Variants in RFX1 observed in about 807,000 individuals in gnomAD.
RFX1 encodes MHC class II regulatory factor RFX1.
RFX1 carries 42 observed loss-of-function variants against 119.6 expected under a neutral mutation model. The observed-to-expected ratio is 0.35, with a 90% confidence interval of 0.27 to 0.45. The LOEUF (loss-of-function observed/expected upper bound fraction) is 0.45, where lower values mean the gene tolerates loss of function less well. RFX1 is among the 20% of genes least tolerant of loss of function. The pLI, the probability that RFX1 is intolerant of heterozygous loss-of-function variation, is 1.00. For synonymous variants in RFX1, 628 were observed against 618.5 expected (o/e 1.02, Z -0.23); for missense variants, 1,118 against 1,368.1 (o/e 0.82, Z 2.88).
chr19:13,978,561 C>A lies in RFX1; in HGVS notation c.835-475G>T, dbSNP rs181889493. On this transcript the variant is annotated intron_variant, in intron 7 of 20. Transcript: ENST00000254325. ...GCCTGAGTCCCCCACCTCCATCCCC[C>A]ACCCTTGTCTGCAGGGGCGGAGCTG... Among the ~76,000 whole-genome samples, 47 of 152,240 alleles carry A rather than the reference C, an allele frequency of 3.1e-4. 1 individual carries two copies. The East Asian group carries it at 8.9e-3, about 29-fold the overall frequency.
chr19:13,980,731 T>TGCATCATCTCTGGGGTGGGCTC lies in RFX1; in HGVS notation c.622-43_622-42insGAGCCCACCCCAGAGATGATGC. ...CACAGGAGTGCCGCTGGGGTGGGCT[T>TGCATCATCTCTGGGGTGGGCTC]GCATCCTCTCTGAGGTGGGCTCACA... is the stretch of plus-strand genomic sequence containing the variant. On this transcript the variant is annotated intron_variant, in intron 5 of 20. Coordinates refer to ENST00000254325, the MANE Select transcript of RFX1 (RefSeq NM_002918.5). The surrounding 1 kb of genome is among the most constrained non-coding windows in gnomAD (Gnocchi z 5.1). 8.3e-7 allele frequency: 1 copy of TGCATCATCTCTGGGGTGGGCTC among 1,201,556 alleles called. No individual in the cohort carries two copies. Among genetic ancestry groups the TGCATCATCTCTGGGGTGGGCTC allele is most frequent in the Non-Finnish European group, 1.2e-6 (1 of 842,378 alleles). 74.4% of individuals were successfully genotyped at this position (1,201,556 alleles called of 1,614,324 possible).
intron 19 of RFX1, 40 bp from the exon 20 acceptor site, chr19:13,963,079 G>T (rs371009810): frequency 6.2e-7 from 1 of 1,603,122 alleles, no homozygotes; most frequent in African/African-American, 1.3e-5. Context: ...GGGTCCCGCC[G>T]CCTGGCGCCC....
Position 13,962,257 on chromosome 19 carries a change from A to C in RFX1, c.*438T>G, listed in dbSNP as rs1973706553. ...AGTGGGGAGTCCCCAGGTGACGCCC[A>C]CCTGCGCCGGCCCGGGGCTCAGGGC... On this transcript the variant is annotated 3_prime_UTR_variant, in exon 21 of 21. Coordinates refer to ENST00000254325, the MANE Select transcript of RFX1 (RefSeq NM_002918.5). The C allele has an allele frequency of 5.8e-6, 1 of 171,352 alleles. No homozygotes were observed. Among genetic ancestry groups the C allele is most frequent in the Admixed American group, 6.1e-5 (1 of 16,390 alleles). The allele number at this position is 171,352 out of a possible 1,614,324, so 10.6% of individuals were successfully genotyped here.
intron 7 of RFX1, among the ~76,000 whole-genome samples, chr19:13,978,952 G>A (rs910487627): frequency 6.6e-6 from 1 of 151,706 alleles, no homozygotes; most frequent in African/African-American, 2.4e-5. Flanking sequence ...GGGCGGCGGC[G>A]GCTCGGGGCT....
chr19:13,970,078 T>C lies in RFX1; in HGVS notation c.1412A>G (p.Lys471Arg). 6.2e-7 allele frequency: 1 copy of C among 1,614,128 alleles called. No individual in the cohort carries two copies. Among genetic ancestry groups the C allele is most frequent in the Non-Finnish European group, 8.5e-7 (1 of 1,180,008 alleles). ...GGAGGCGGCGTTGACGGGCTCCAGC[T>C]TCTGCTCCTGGCAGTGCAGTAAGTA... The part of the protein sequence containing the change: ...CHYLLHCQEQ[K>R]LEPVNAASFG... Residue 471 changes from lysine (K) to arginine (R), a missense_variant, in exon 10 of 21, where the codon AAG (lysine) becomes AGG (arginine). Coordinates refer to ENST00000254325, the MANE Select transcript of RFX1 (RefSeq NM_002918.5).
chr19:14,006,550 A>G (rs888376078), upstream of RFX1: 2 of 152,354 alleles, frequency 1.3e-5, no homozygotes, highest in African/African-American at 2.4e-5. Context: ...GCAGGGAAGC[A>G]GCTGGTTAAG....
In RFX1 at chr19:13,983,582, C is replaced by A; in HGVS notation, c.333G>T (p.Arg111=). The A allele has an allele frequency of 6.2e-7, 1 of 1,604,058 alleles. No homozygotes were observed. The highest frequency in any genetic ancestry group is 2.2e-5 in the East Asian group (1 of 44,610). ...IVVTVSEGAM[R]ASETVSEASP... ...TGGCCTCCGACACTGTCTCGCTGGC[C>A]CGCATGGCACCTTCTGTGGGGAGGG... is the stretch of plus-strand genomic sequence containing the variant. Residue 111 remains arginine, a synonymous_variant, in exon 3 of 21, where the codon CGG becomes CGT. Transcript: ENST00000254325.
At chr19:13,994,451 C>T (rs375851277) in intron 1 of RFX1, among the ~76,000 whole-genome samples, 98 of 152,254 alleles carry the variant, frequency 6.4e-4, no homozygotes, top group African/African-American at 2.3e-3. Flanking sequence ...CACAGTGGCT[C>T]ATGCCTGCAA....
Position 13,968,374 on chromosome 19 carries a change from A to G in RFX1, c.1732+191T>C, listed in dbSNP as rs1305631261. On this transcript the variant is annotated intron_variant, in intron 12 of 20. Transcript: ENST00000254325. This position sits in a 1 kb window ranked among gnomAD's most constrained non-coding sequence, Gnocchi z 5.5. ...AAAGAAATGAGAATCTACCTTGAAGAAGGATTCTAGGGACAGAACTGTCAC... is the reference window on the plus strand; with the variant it reads ...AAAGAAATGAGAATCTACCTTGAAGGAGGATTCTAGGGACAGAACTGTCAC... 6.6e-6 allele frequency among the ~76,000 whole-genome samples: 1 copy of G among 152,032 alleles called. No individual in the cohort carries two copies. The highest frequency in any genetic ancestry group is 1.5e-5 in the Non-Finnish European group (1 of 67,998).
chr19:14,004,070 G>A (rs1027639415), intron 1 of RFX1, among the ~76,000 whole-genome samples: 2 of 152,094 alleles, frequency 1.3e-5, no homozygotes, highest in Non-Finnish European at 2.9e-5. Context: ...CACCACGCCT[G>A]GCTAATTTTT....
intron 16 of RFX1, among the ~76,000 whole-genome samples, chr19:13,964,572 C>G (rs778230313): frequency 6.6e-6 from 1 of 152,108 alleles, no homozygotes; most frequent in East Asian, 1.9e-4. Flanking sequence ...TCCTCCGCCT[C>G]GTGGGTTCAA....
intron 9 of RFX1, among the ~76,000 whole-genome samples, chr19:13,970,813 G>A (rs920977578): frequency 7.3e-5 from 11 of 151,096 alleles, no homozygotes; most frequent in Admixed American, 5.3e-4. Flanking sequence ...GTGAAACCCC[G>A]TCTCTACTAA....
chr19:13,963,049 G>T lies in RFX1; in HGVS notation c.2725-10C>A, dbSNP rs1445690913. 1 of 1,575,128 alleles carries T rather than the reference G, an allele frequency of 6.3e-7. No homozygotes were observed. Among genetic ancestry groups the T allele is most frequent in the African/African-American group, 1.3e-5 (1 of 74,116 alleles). Reference sequence around the variant, plus strand: ...TGGCCAGATTGGCGAACTGGAGGAAGAAGAGAAGAAAATGGGTGAGGGTCC... The same window carrying T: ...TGGCCAGATTGGCGAACTGGAGGAATAAGAGAAGAAAATGGGTGAGGGTCC... On this transcript the variant is annotated splice_polypyrimidine_tract_variant and intron_variant, in intron 19 of 20. Coordinates refer to ENST00000254325, the MANE Select transcript of RFX1 (RefSeq NM_002918.5).
At position 13,993,760 on chromosome 19, in the gene RFX1, C is replaced by A; in HGVS notation, c.84G>T (p.Gln28His). 6.3e-7 allele frequency: 1 copy of A among 1,590,834 alleles called. No homozygotes were observed. Among genetic ancestry groups the A allele is most frequent in the Non-Finnish European group, 8.5e-7 (1 of 1,170,820 alleles). Residue 28 changes from glutamine (Q) to histidine (H), a missense_variant, in exon 2 of 21, where the codon CAG becomes CAT. By Grantham distance (24) the Gln-to-His change is conservative (BLOSUM62 0). Transcript: ENST00000254325. ...PPQAPPQAQP[Q>H]PPPPPPPAAP... ...CCGCTGGGGGTGGTGGCGGTGGCGGCTGGGGCTGGGCTTGTGGCGGGGCCT... is the reference window on the plus strand; with the variant it reads ...CCGCTGGGGGTGGTGGCGGTGGCGGATGGGGCTGGGCTTGTGGCGGGGCCT...
intron 1 of RFX1, among the ~76,000 whole-genome samples, chr19:14,003,497 G>A (rs1975282436): frequency 6.6e-6 from 1 of 150,480 alleles, no homozygotes; most frequent in South Asian, 2.1e-4. Flanking sequence ...AAAAATAAAA[G>A]CCAACGGTGT....
chr19:13,994,142 A>C (rs1974907285), intron 1 of RFX1, among the ~76,000 whole-genome samples: 1 of 152,048 alleles, frequency 6.6e-6, no homozygotes, highest in Admixed American at 6.6e-5. Flanking sequence ...ACCCCAAGCC[A>C]GGACTCCTGC....
rs553278185 is a variant in RFX1 at position 14,001,198 on chromosome 19, G to C, written c.-53+4905C>G. ...CGGCTGGCTTCTCCTCCTTATTCAGGTCTCAGCTCGTACACACTTCCTTGG... is the reference window on the plus strand; with the variant it reads ...CGGCTGGCTTCTCCTCCTTATTCAGCTCTCAGCTCGTACACACTTCCTTGG... On this transcript the variant is annotated intron_variant, in intron 1 of 20. Coordinates refer to ENST00000254325, the MANE Select transcript of RFX1 (RefSeq NM_002918.5). Among the ~76,000 whole-genome samples, 16 of 152,246 alleles carry C rather than the reference G, an allele frequency of 1.1e-4. No homozygotes were observed. In the South Asian group the frequency reaches 1.9e-3, roughly 18 times the overall value.
At position 13,982,943 on chromosome 19, in the gene RFX1, C is replaced by G. The variant is rs1599497632; in HGVS notation, c.513+244G>C. 6 of 528,184 alleles carry G rather than the reference C, an allele frequency of 1.1e-5. No individual in the cohort carries two copies. The East Asian group carries it at 1.6e-4, about 15-fold the overall frequency. 32.7% of individuals were successfully genotyped at this position (528,184 alleles called of 1,614,324 possible). ...GACACTGGGTTGGACCCGCAAACCACCTTCCCAACTATACATCTTGTTCTC... is the reference window on the plus strand; with the variant it reads ...GACACTGGGTTGGACCCGCAAACCAGCTTCCCAACTATACATCTTGTTCTC... On this transcript the variant is annotated intron_variant, in intron 4 of 20. Coordinates refer to ENST00000254325, the MANE Select transcript of RFX1 (RefSeq NM_002918.5).
At position 13,980,681 on chromosome 19, in the gene RFX1, C is replaced by T. The variant is rs538399003; in HGVS notation, c.630G>A (p.Pro210=). 1.9e-4 allele frequency: 298 copies of T among 1,571,202 alleles called. 4 individuals carry two copies. In the South Asian group the frequency reaches 2.9e-3, roughly 15 times the overall value. The part of the protein sequence containing the change: ...QQVHSPPEQS[P]VQANSSSSKT... ...TGCTGGAAGAGCTGTTGGCCTGCAC[C>T]GGCGACTGCTGTAAGGGAAGGAGAC... is the stretch of plus-strand genomic sequence containing the variant. The change falls in exon 6 of 21, where the codon CCG becomes CCA. Residue 210 remains proline (P), a synonymous_variant. Coordinates refer to ENST00000254325, the MANE Select transcript of RFX1 (RefSeq NM_002918.5). The surrounding 1 kb of genome is among the most constrained non-coding windows in gnomAD (Gnocchi z 5.1).
Sources: allele counts gnomAD v4.1 joint callset (sites outside exome capture counted in the v4.1 genomes callset), GRCh38; gene constraint gnomAD v4.1.1; non-coding constraint Gnocchi (gnomAD v3.1); transcripts MANE v1.5; gene names NCBI Gene and HGNC (gene_info 2026-07-23, HGNC 2026-07-21).